Variants in ALDH9A1 observed in about 807,000 individuals in gnomAD.
ALDH9A1 encodes aldehyde dehydrogenase 9 family member A1.
A neutral mutation model predicts 56.6 loss-of-function variants in ALDH9A1; 42 were observed. The ratio of observed to expected loss-of-function variants is 0.74; its 90% CI spans 0.58 to 0.96. ALDH9A1 has a LOEUF of 0.96. ALDH9A1 is among the 40% of genes least tolerant of loss of function. ALDH9A1 has a pLI of 0.00. For synonymous variants in ALDH9A1, 242 were observed against 236.0 expected, an observed-to-expected ratio of 1.03 and a Z score of -0.23; for missense variants, 661 against 651.5, an observed-to-expected ratio of 1.01 and a Z score of -0.16.
At chr1:165,692,777 A>T (rs1349000340) in intron 2 of ALDH9A1, among the ~76,000 whole-genome samples, 1 of 151,676 alleles carries the variant, frequency 6.6e-6, no homozygotes, top group Non-Finnish European at 1.5e-5. Flanking sequence ...AGCCAAAAGA[A>T]CACAGCTGGA....
At chr1:165,679,409 C>T (rs1317307294) in intron 6 of ALDH9A1, 33 bp downstream of exon 6, 38 of 1,608,252 alleles carry the variant, frequency 2.4e-5, no homozygotes, top group Non-Finnish European at 3.1e-5. Flanking sequence ...GGTAGAGATT[C>T]CTTTTACACC....
chr1:165,676,691 AC>A, intron 6 of ALDH9A1: 1 of 438,610 alleles, frequency 2.3e-6, no homozygotes. Flanking sequence ...CAGCTGAAGC[AC>A]CAGCCTACTC....
chr1:165,696,559 A>AT (rs4646884), intron 1 of ALDH9A1, among the ~76,000 whole-genome samples: 29 of 150,240 alleles, frequency 1.9e-4, no homozygotes, highest in African/African-American at 3.9e-4. Flanking sequence ...CTAAAGGAAC[A>AT]TTTTTTTTTT....
chr1:165,671,140 T>C (rs1649166764), intron 6 of ALDH9A1: 1 of 157,608 alleles, frequency 6.3e-6, no homozygotes, highest in Admixed American at 6.4e-5. Context: ...ACTTCTCATC[T>C]ATCTGATAAA....
chr1:165,686,942 T>C (rs1014456792), intron 2 of ALDH9A1, among the ~76,000 whole-genome samples: 37 of 152,142 alleles, frequency 2.4e-4, no homozygotes, highest in African/African-American at 8.0e-4. Context: ...TTATGATAGC[T>C]ATACTCCGTA....
At chr1:165,675,655 T>G (rs937117801) in intron 6 of ALDH9A1, among the ~76,000 whole-genome samples, 6 of 152,146 alleles carry the variant, frequency 3.9e-5, no homozygotes, top group Non-Finnish European at 8.8e-5. Flanking sequence ...GTGTTTTGCC[T>G]AATCAAAATA....
intron 7 of ALDH9A1, 36 bp downstream of exon 7, chr1:165,669,226 T>C (rs1558002782): frequency 3.2e-6 from 5 of 1,554,094 alleles, no homozygotes; most frequent in Non-Finnish European, 4.4e-6. Context: ...TAGTATAATC[T>C]TCCCCAACCC....
rs893605413 is a variant in ALDH9A1, at chr1:165,677,233, T to C, written c.930+2209A>G. ...ACAAAAAATACAAAAATTAGCTGAA[T>C]GTGGTGGTGTGCTACACTGGAGACT... On this transcript the variant is annotated intron_variant, in intron 6 of 10. Coordinates refer to ENST00000354775, the MANE Select transcript of ALDH9A1 (RefSeq NM_000696.4). 3.3e-5 allele frequency among the ~76,000 whole-genome samples: 5 copies of C among 152,042 alleles called. No homozygotes were observed. In the South Asian group the frequency reaches 8.3e-4, roughly 25 times the overall value.
At chr1:165,690,850 A>G (rs555064793) in intron 2 of ALDH9A1, among the ~76,000 whole-genome samples, 11 of 152,304 alleles carry the variant, frequency 7.2e-5, no homozygotes, top group African/African-American at 2.4e-4. Flanking sequence ...TAGGTAAACA[A>G]AGCAGCCAGG....
rs536398927 is a variant in ALDH9A1 at position 165,690,145 on chromosome 1, A to G, written c.327+5107T>C. Among the ~76,000 whole-genome samples the G allele has an allele frequency of 2.1e-3, 303 of 146,600 alleles. 2 individuals carry two copies. The highest frequency in any genetic ancestry group is 3.3e-3 in the Non-Finnish European group (223 of 67,174). ...TATATGTATATTATATAGATTATAT[A>G]TTATTCTATGTGTATAACATAGCTT... On this transcript the variant is annotated intron_variant, in intron 2 of 10. Transcript: ENST00000354775.
In ALDH9A1 at chr1:165,669,245, T is replaced by TGCC; in HGVS notation, c.1119+14_1119+16dup. ...ATAATCTTCCCCAACCCCACCCTAC[T>TGCC]GCCAATTATTTCTTACCTGCTCCTT... On this transcript the variant is annotated intron_variant, in intron 7 of 10. Coordinates refer to ENST00000354775, the MANE Select transcript of ALDH9A1 (RefSeq NM_000696.4). 6.3e-7 allele frequency: 1 copy of TGCC among 1,587,414 alleles called. No individual in the cohort carries two copies. Among genetic ancestry groups the TGCC allele is most frequent in the Non-Finnish European group, 8.6e-7 (1 of 1,167,922 alleles).
At chr1:165,696,764 T>C (rs947049918) in intron 1 of ALDH9A1, among the ~76,000 whole-genome samples, 41 of 152,308 alleles carry the variant, frequency 2.7e-4, no homozygotes, top group African/African-American at 9.9e-4. Context: ...TCCAGGGAGA[T>C]TTCACAAATC....
chr1:165,663,592 T>C lies in ALDH9A1; in HGVS notation c.1463-448A>G, dbSNP rs145117169. ...AACTTAACCTACCCACTCATGTTGG[T>C]GAGGGGTCACTGAAGGTCCCTCTGA... On this transcript the variant is annotated intron_variant, in intron 10 of 10. Transcript: ENST00000354775. Among the ~76,000 whole-genome samples, 100 of 152,328 alleles carry C rather than the reference T, an allele frequency of 6.6e-4. 3 individuals are homozygous for C. The highest frequency in any genetic ancestry group is 2.2e-3 in the African/African-American group (91 of 41,588).
At chr1:165,665,473 G>A (rs574470732) in intron 9 of ALDH9A1, among the ~76,000 whole-genome samples, 3 of 152,190 alleles carry the variant, frequency 2.0e-5, no homozygotes, top group Admixed American at 1.3e-4. Flanking sequence ...TAACTTAAAC[G>A]CATCACAGAC....
rs1411907082 is a variant in ALDH9A1 at position 165,663,102 on chromosome 1, G to T, written c.1505C>A (p.Ser502Ter). ...ENGRVTIEYY[S>*]QLKTVCVEMG... ...CTCCACACACACAGTCTTCAGCTGT[G>T]AATAATATTCGATTGTCACACGGCC... is the stretch of plus-strand genomic sequence containing the variant. The change falls in exon 11 of 11, where the codon TCA (serine) becomes TAA (stop). Residue 502 changes from serine to a stop codon, truncating the protein, a stop_gained. Coordinates refer to ENST00000354775, the MANE Select transcript of ALDH9A1 (RefSeq NM_000696.4). LOFTEE classifies it high-confidence loss of function. The T allele has an allele frequency of 2.5e-6, 4 of 1,613,952 alleles. No individual in the cohort carries two copies. Among genetic ancestry groups the T allele is most frequent in the Non-Finnish European group, 3.4e-6 (4 of 1,179,972 alleles).
chr1:165,676,809 T>C, intron 6 of ALDH9A1: 1 of 406,908 alleles, frequency 2.5e-6, no homozygotes, highest in South Asian at 2.2e-5. Flanking sequence ...ATAAAAGACC[T>C]CTGGACTGCA....
chr1:165,677,719 G>C lies in ALDH9A1; in HGVS notation c.930+1723C>G, dbSNP rs572882879. Among the ~76,000 whole-genome samples, 273 of 152,094 alleles carry C rather than the reference G, an allele frequency of 1.8e-3. 2 individuals carry two copies. Among genetic ancestry groups the C allele is most frequent in the African/African-American group, 6.3e-3 (260 of 41,500 alleles). ...TAAAAACACAAAAAATTAGCCAGGC[G>C]TGGTGGCGGGTGCCTGTAGTCTCAG... is the stretch of plus-strand genomic sequence containing the variant. On this transcript the variant is annotated intron_variant, in intron 6 of 10. Coordinates refer to ENST00000354775, the MANE Select transcript of ALDH9A1 (RefSeq NM_000696.4).
At chr1:165,689,943 AT>A (rs921022032) in intron 2 of ALDH9A1, among the ~76,000 whole-genome samples, 10 of 74,726 alleles carry the variant, frequency 1.3e-4, no homozygotes, top group Non-Finnish European at 1.6e-4. Context: ...CAAAAAAAAA[AT>A]AATAATAAAT....
Position 165,680,631 on chromosome 1 carries a change from T to G in ALDH9A1, c.645A>C (p.Leu215=), listed in dbSNP as rs189745059. 3.7e-6 allele frequency: 6 copies of G among 1,614,022 alleles called. No homozygotes were observed. The highest frequency in any genetic ancestry group is 1.3e-5 in the African/African-American group (1 of 75,008). Residue 215 remains leucine (L), a synonymous_variant, in exon 5 of 11, where the codon CTA becomes CTC. Transcript: ENST00000354775. Reference sequence around the variant, plus strand: ...CAGCCTCACTGTAGATTTCAGCCAGTAGCAATGCAGAAACAGGTGTAAAGG... The same window carrying G: ...CAGCCTCACTGTAGATTTCAGCCAGGAGCAATGCAGAAACAGGTGTAAAGG... ...PSPFTPVSAL[L]LAEIYSEAGV...
Sources: gnomAD v4.1 joint callset for allele counts (sites outside exome capture counted in the v4.1 genomes callset) on GRCh38, gnomAD v4.1.1 for gene constraint, MANE v1.5 for transcripts, NCBI Gene and HGNC (gene_info 2026-07-23, HGNC 2026-07-21) for gene names.